The following MAMDC2 variants were observed in gnomAD, a reference collection of about 807,000 sequenced individuals.
MAMDC2 encodes MAM domain-containing protein 2.
Under a neutral mutation model 89.8 loss-of-function variants are expected in MAMDC2, and 57 were observed. That is an observed-to-expected ratio of 0.63 (90% CI 0.51 to 0.79). The LOEUF is 0.79. MAMDC2 is among the 30% of genes least tolerant of loss of function. The probability of loss-of-function intolerance (pLI) is 0.00; values close to 1 mark genes in which losing one functional copy is unlikely to be tolerated. For synonymous variants in MAMDC2, 313 were observed against 293.4 expected, an observed-to-expected ratio of 1.07 and a Z score of -0.68; for missense variants, 800 against 820.6, an observed-to-expected ratio of 0.97 and a Z score of 0.31.
At chr9:70,059,714 A>T (rs911148897) in intron 2 of MAMDC2, among the ~76,000 whole-genome samples, 7 of 152,138 alleles carry the variant, frequency 4.6e-5, no homozygotes, top group Admixed American at 3.3e-4. Context: ...AGATTTCTTC[A>T]TCGTTTTTTC....
intron 11 of MAMDC2, among the ~76,000 whole-genome samples, chr9:70,189,536 G>A (rs753232461): frequency 5.3e-5 from 8 of 152,140 alleles, no homozygotes; most frequent in Non-Finnish European, 1.0e-4. Flanking sequence ...GCTTGTAACA[G>A]TTAAATGTAA....
chr9:70,168,874 T>C (rs1587538217), intron 10 of MAMDC2, 79 bp downstream of exon 10: 1 of 1,199,950 alleles, frequency 8.3e-7, no homozygotes, highest in East Asian at 2.4e-5. Context: ...TCACATACAT[T>C]TCATCTGTGC....
intron 2 of MAMDC2, among the ~76,000 whole-genome samples, chr9:70,097,556 A>G (rs571699916): frequency 3.3e-5 from 5 of 152,264 alleles, no homozygotes; most frequent in African/African-American, 9.6e-5. Flanking sequence ...AAGCAAACCT[A>G]TATTTCCCCA....
intron 2 of MAMDC2, among the ~76,000 whole-genome samples, chr9:70,076,117 AG>A (rs1372824146): frequency 6.6e-6 from 1 of 152,124 alleles, no homozygotes; most frequent in East Asian, 1.9e-4. Context: ...GCTCCCTGAT[AG>A]CTGTCTTTAA....
intron 11 of MAMDC2, among the ~76,000 whole-genome samples, chr9:70,195,619 G>A (rs575757336): frequency 1.3e-5 from 2 of 152,100 alleles, no homozygotes; most frequent in Admixed American, 1.3e-4. Context: ...CCCAGCATGC[G>A]AATCACCCAT....
rs140188056 is a variant in MAMDC2, at chr9:70,177,557, C to T, written c.1651+6926C>T. ...GCACTACTATATTGGACATTTACCA[C>T]GTGTAGGCACTGCGCTAGGAACCTC... On this transcript the variant is annotated intron_variant, in intron 11 of 13. Transcript: ENST00000377182. Among the ~76,000 whole-genome samples the T allele has an allele frequency of 6.5e-3, 994 of 152,272 alleles. 5 individuals carry two copies. The highest frequency in any genetic ancestry group is 8.7e-3 in the Non-Finnish European group (595 of 68,024).
intron 11 of MAMDC2, among the ~76,000 whole-genome samples, chr9:70,173,670 T>C (rs773229277): frequency 6.6e-6 from 1 of 152,158 alleles, no homozygotes; most frequent in Non-Finnish European, 1.5e-5. Flanking sequence ...TATGTTATGG[T>C]AGACTACTAC....
At chr9:70,117,740 T>C (rs537556544) in intron 5 of MAMDC2, among the ~76,000 whole-genome samples, 2 of 152,038 alleles carry the variant, frequency 1.3e-5, no homozygotes, top group African/African-American at 4.8e-5. Context: ...GACACAAAGG[T>C]GATATGTGGT....
chr9:70,183,545 A>G (rs975417328), intron 11 of MAMDC2, among the ~76,000 whole-genome samples: 6 of 152,202 alleles, frequency 3.9e-5, no homozygotes, highest in African/African-American at 1.2e-4. Context: ...TGGTGCATAT[A>G]TATTTAGGAT....
At chr9:70,197,700 T>G in intron 11 of MAMDC2, among the ~76,000 whole-genome samples, 1 of 152,080 alleles carries the variant, frequency 6.6e-6, no homozygotes, top group Non-Finnish European at 1.5e-5. Flanking sequence ...ATTACAATGC[T>G]CTTCCAAAAG....
chr9:70,218,573 T>A lies in MAMDC2; in HGVS notation c.1888T>A (p.Tyr630Asn). The change falls in exon 12 of 14, where the codon TAC becomes AAC. Residue 630 changes from tyrosine (Y) to asparagine (N), a missense_variant. Physicochemically the swap from Tyr to Asn is moderately radical, Grantham distance 143. Transcript: ENST00000377182. ...SISWLRALIE[Y>N]SCERQHQIIF... ...TTCCTGGCTACGAGCACTGATTGAA[T>A]ACAGCTGTGAGAGGCAACACCAGGT... 1.2e-6 allele frequency: 2 copies of A among 1,611,936 alleles called. No individual in the cohort carries two copies. The highest frequency in any genetic ancestry group is 1.7e-6 in the Non-Finnish European group (2 of 1,178,432).
chr9:70,052,584 A>G (rs1826937416), intron 2 of MAMDC2, among the ~76,000 whole-genome samples: 1 of 152,164 alleles, frequency 6.6e-6, no homozygotes, highest in Non-Finnish European at 1.5e-5. Context: ...ATCTCCTGAT[A>G]AGAGTCCCCA....
At chr9:70,221,366 T>TAG (rs1395728353) in intron 12 of MAMDC2, among the ~76,000 whole-genome samples, 1 of 8,154 alleles carries the variant, frequency 1.2e-4, no homozygotes, top group Non-Finnish European at 2.5e-4. Context: ...AATATATATA[T>TAG]ATATATATAT....
At chr9:70,044,306 C>T (rs996927691) in intron 1 of MAMDC2, 75 bp downstream of exon 1, 46 of 1,512,700 alleles carry the variant, frequency 3.0e-5, no homozygotes, top group Non-Finnish European at 4.1e-5. Context: ...CCCGGGGGTC[C>T]GGCTCACCGT....
intron 11 of MAMDC2, among the ~76,000 whole-genome samples, chr9:70,211,817 C>A (rs894301309): frequency 6.6e-6 from 1 of 152,166 alleles, no homozygotes. Context: ...GTGTGGATGT[C>A]CTTTCTGTTC....
Position 70,077,740 on chromosome 9 carries a change from C to T in MAMDC2, c.149-30471C>T, listed in dbSNP as rs1488438977. 3.9e-5 allele frequency among the ~76,000 whole-genome samples: 6 copies of T among 152,140 alleles called. 1 individual carries two copies. The South Asian group carries it at 8.3e-4, about 21-fold the overall frequency. On this transcript the variant is annotated intron_variant, in intron 2 of 13. Transcript: ENST00000377182. ...GACCCTTGCTTCCTCTTTGGATGTT[C>T]TGAGGGGTGCAGGCCATTTGGACTT...
At chr9:70,065,958 C>T (rs1292571332) in intron 2 of MAMDC2, among the ~76,000 whole-genome samples, 1 of 152,098 alleles carries the variant, frequency 6.6e-6, no homozygotes, top group Non-Finnish European at 1.5e-5. Flanking sequence ...TATTGATACC[C>T]ACAGTATTTC....
At chr9:70,121,260 C>T (rs2030269373) in intron 5 of MAMDC2, among the ~76,000 whole-genome samples, 1 of 152,208 alleles carries the variant, frequency 6.6e-6, no homozygotes, top group African/African-American at 2.4e-5. Flanking sequence ...TCAGCTAATA[C>T]AGAGGGCTGC....
At chr9:70,216,158 T>C (rs974581037) in intron 11 of MAMDC2, 2 of 152,242 alleles carry the variant, frequency 1.3e-5, no homozygotes, top group Non-Finnish European at 2.9e-5. Flanking sequence ...AGACATATGA[T>C]ACTTTGTAAA....
Sources: allele counts gnomAD v4.1 joint callset (sites outside exome capture counted in the v4.1 genomes callset), GRCh38; gene constraint gnomAD v4.1.1; transcripts MANE v1.5; gene names NCBI Gene and HGNC (gene_info 2026-07-23, HGNC 2026-07-21).